NFE2L3: variants seen among roughly 807,000 people sequenced by gnomAD.
NFE2L3 encodes the protein nuclear factor erythroid 2-related factor 3.
In NFE2L3, 18 loss-of-function variants were observed where a neutral mutation model predicts 23.5. That is an observed-to-expected ratio of 0.77 (90% CI 0.53 to 1.13). The LOEUF (loss-of-function observed/expected upper bound fraction) is 1.13, where lower values mean the gene tolerates loss of function less well. Ranked by LOEUF, NFE2L3 falls within the 50% of genes most tolerant of loss-of-function variation. The pLI is 0.00. For missense variants in NFE2L3, 1,152 were observed against 877.2 expected, an observed-to-expected ratio of 1.31 and a Z score of -3.96; for synonymous variants, 424 against 354.5, an observed-to-expected ratio of 1.20 and a Z score of -2.20.
At position 26,185,466 on chromosome 7, in the gene NFE2L3, G is replaced by T; in HGVS notation, c.1768G>T (p.Val590Phe). Residue 590 changes from valine (V) to phenylalanine (F), a missense_variant, in exon 4 of 4, where the codon GTT (valine) becomes TTT (phenylalanine). Transcript: ENST00000056233. Reference protein sequence around the residue: ...RDIRRRGKNKVAAQNCRKRKL... With the variant: ...RDIRRRGKNKFAAQNCRKRKL... Reference sequence around the variant, plus strand: ...CATCAGACGAAGAGGGAAAAATAAAGTTGCTGCGCAGAACTGTCGTAAACG... The same window carrying T: ...CATCAGACGAAGAGGGAAAAATAAATTTGCTGCGCAGAACTGTCGTAAACG... 6.2e-7 allele frequency: 1 copy of T among 1,614,042 alleles called. No homozygotes were observed. Among genetic ancestry groups the T allele is most frequent in the Non-Finnish European group, 8.5e-7 (1 of 1,179,904 alleles).
intron 2 of NFE2L3, among the ~76,000 whole-genome samples, chr7:26,181,884 G>T (rs1215623278): frequency 2.0e-5 from 3 of 152,038 alleles, no homozygotes; most frequent in African/African-American, 7.3e-5. Context: ...TAAGGAAAAG[G>T]GTAAGTTGGA....
At chr7:26,174,156 A>C (rs1224084850) in intron 1 of NFE2L3, 1 of 152,226 alleles carries the variant, frequency 6.6e-6, no homozygotes, top group Non-Finnish European at 1.5e-5. Flanking sequence ...CAAGGGGATG[A>C]AGAATCAGCA....
chr7:26,185,498 G>GC lies in NFE2L3; in HGVS notation c.1800_1801insC (p.Asp601ArgfsTer9), dbSNP rs1782460216. On this transcript the variant is annotated frameshift_variant, in exon 4 of 4. Coordinates refer to ENST00000056233, the MANE Select transcript of NFE2L3 (RefSeq NM_004289.7). LOFTEE classifies it low-confidence loss of function (END_TRUNC). ...CGCAGAACTGTCGTAAACGCAAATTGGACATAATTTTGAATTTAGAAGATG... is the reference window on the plus strand; with the variant it reads ...CGCAGAACTGTCGTAAACGCAAATTGCGACATAATTTTGAATTTAGAAGATG... 1 of 1,613,816 alleles carries GC rather than the reference G, an allele frequency of 6.2e-7. No homozygotes were observed. Among genetic ancestry groups the GC allele is most frequent in the Admixed American group, 1.7e-5 (1 of 59,984 alleles).
chr7:26,164,337 A>G (rs1331198921), intron 1 of NFE2L3, among the ~76,000 whole-genome samples: 2 of 152,142 alleles, frequency 1.3e-5, no homozygotes, highest in Admixed American at 6.5e-5. Context: ...TGACTTTTTA[A>G]TGATCGCCAT....
intron 1 of NFE2L3, among the ~76,000 whole-genome samples, chr7:26,155,953 T>C (rs924231281): frequency 1.1e-4 from 17 of 152,150 alleles, no homozygotes; most frequent in Admixed American, 1.1e-3. Flanking sequence ...GTAGCTGCGC[T>C]CTTCTGCCCT....
chr7:26,169,603 C>T lies in NFE2L3; in HGVS notation c.571-8340C>T, dbSNP rs571309463. On this transcript the variant is annotated intron_variant, in intron 1 of 3. Coordinates refer to ENST00000056233, the MANE Select transcript of NFE2L3 (RefSeq NM_004289.7). ...ACATCTCCCCATGCATCCCACTAGC[C>T]CTGGAGGAAATGCTTCCTCTCATTT... Among the ~76,000 whole-genome samples, 357 of 152,322 alleles carry T rather than the reference C, an allele frequency of 2.3e-3. 2 individuals are homozygous for T. Among genetic ancestry groups the T allele is most frequent in the Non-Finnish European group, 2.7e-3 (183 of 68,022 alleles).
At chr7:26,179,073 T>G (rs1583937194) in intron 2 of NFE2L3, among the ~76,000 whole-genome samples, 4 of 152,250 alleles carry the variant, frequency 2.6e-5, no homozygotes, top group Admixed American at 2.6e-4. Context: ...AGGTTTGTTC[T>G]CTTTGCCTGC....
chr7:26,182,964 T>C (rs975820286), intron 2 of NFE2L3, among the ~76,000 whole-genome samples: 3 of 152,166 alleles, frequency 2.0e-5, no homozygotes, highest in Non-Finnish European at 4.4e-5. Flanking sequence ...CCAGCTAATT[T>C]AATTTGTAGA....
intron 2 of NFE2L3, among the ~76,000 whole-genome samples, 190 bp from the exon 3 acceptor site, chr7:26,183,511 G>A (rs1352300745): frequency 2.1e-5 from 3 of 143,960 alleles, no homozygotes; most frequent in South Asian, 2.1e-4. Context: ...TTGCACCACT[G>A]CACTCCATTC....
intron 1 of NFE2L3, among the ~76,000 whole-genome samples, chr7:26,163,851 C>T (rs1382013210): frequency 6.6e-6 from 1 of 152,134 alleles, no homozygotes; most frequent in African/African-American, 2.4e-5. Flanking sequence ...GTTCCCCTTC[C>T]TGTGTCCATG....
At chr7:26,172,289 A>G (rs1385592774) in intron 1 of NFE2L3, among the ~76,000 whole-genome samples, 2 of 152,356 alleles carry the variant, frequency 1.3e-5, no homozygotes, top group African/African-American at 2.4e-5. Flanking sequence ...TATAATTTCA[A>G]ACTTTTAAAA....
rs1192945459 is a variant in NFE2L3 at position 26,185,965 on chromosome 7, G to T, written c.*182G>T. 2.1e-5 allele frequency: 11 copies of T among 536,058 alleles called. No individual in the cohort carries two copies. Among genetic ancestry groups the T allele is most frequent in the East Asian group, 3.1e-5 (1 of 31,914 alleles). The allele number at this position is 536,058 out of a possible 1,614,324, so 33.2% of individuals were successfully genotyped here. ...TGTTTAGGACTTCAAGATCACACTTGTGGGCAATCTGGGGGAGCCACAACT... is the reference window on the plus strand; with the variant it reads ...TGTTTAGGACTTCAAGATCACACTTTTGGGCAATCTGGGGGAGCCACAACT... On this transcript the variant is annotated 3_prime_UTR_variant, in exon 4 of 4. Transcript: ENST00000056233.
At chr7:26,173,837 T>G (rs1784359952) in intron 1 of NFE2L3, 1 of 152,190 alleles carries the variant, frequency 6.6e-6, no homozygotes, top group South Asian at 2.1e-4. Context: ...AGCCCTTGCC[T>G]TCAAAAAACT....
chr7:26,183,488 T>C (rs1268253714), intron 2 of NFE2L3, among the ~76,000 whole-genome samples: 1 of 143,858 alleles, frequency 7.0e-6, no homozygotes, highest in Non-Finnish European at 1.6e-5. Context: ...GCAGAGGGTG[T>C]AGTGAGCCGA....
chr7:26,181,446 G>T (rs952587809), intron 2 of NFE2L3, among the ~76,000 whole-genome samples: 7 of 152,126 alleles, frequency 4.6e-5, no homozygotes, highest in African/African-American at 1.7e-4. Context: ...AGGAAATGGG[G>T]ACTGGTACAA....
intron 2 of NFE2L3, among the ~76,000 whole-genome samples, chr7:26,183,460 A>C (rs1187199815): frequency 1.4e-5 from 2 of 143,840 alleles, no homozygotes; most frequent in Non-Finnish European, 3.2e-5. Flanking sequence ...AGGCAGGAGA[A>C]TCCTTTGAAC....
Position 26,152,899 on chromosome 7 carries a change from C to A in NFE2L3, c.401C>A (p.Ser134Ter), listed in dbSNP as rs1180670857. Residue 134 changes from serine to a stop codon, truncating the protein, a stop_gained, in exon 1 of 4, where the codon TCG (serine) becomes TAG (stop). Coordinates refer to ENST00000056233, the MANE Select transcript of NFE2L3 (RefSeq NM_004289.7). LOFTEE classifies it high-confidence loss of function. This position sits in a 1 kb window ranked among gnomAD's most constrained non-coding sequence, Gnocchi z 4.4. ...AHGLLGAAAA[S>*]STGGAGASVD... ...GGGCTGCTCGGCGCCGCCGCCGCCT[C>A]GTCCACCGGAGGAGCCGGCGCCAGC... is the stretch of plus-strand genomic sequence containing the variant. 5 of 1,449,222 alleles carry A rather than the reference C, an allele frequency of 3.5e-6. No individual in the cohort carries two copies. The highest frequency in any genetic ancestry group is 4.5e-6 in the Non-Finnish European group (5 of 1,111,696). 89.8% of individuals were successfully genotyped at this position (1,449,222 alleles called of 1,614,324 possible). A position where few individuals can be genotyped will look rare whatever the true frequency, so the allele number is the denominator to read the frequency against.
intron 1 of NFE2L3, among the ~76,000 whole-genome samples, chr7:26,157,562 A>G (rs1025401493): frequency 1.3e-5 from 2 of 152,220 alleles, no homozygotes; most frequent in African/African-American, 4.8e-5. Context: ...TGGACAAGAG[A>G]TGAAATTTCA....
At position 26,186,002 on chromosome 7, in the gene NFE2L3, G is replaced by T. The variant is rs1782476396; in HGVS notation, c.*219G>T. ...GGGGAGCCACAACTTTTCATGAAGT[G>T]CATTGTATACAAAATTCATAGTTAT... On this transcript the variant is annotated 3_prime_UTR_variant, in exon 4 of 4. Coordinates refer to ENST00000056233, the MANE Select transcript of NFE2L3 (RefSeq NM_004289.7). The T allele has an allele frequency of 1.2e-5, 5 of 433,476 alleles. No homozygotes were observed. In the Admixed American group the frequency reaches 1.2e-4, roughly 10 times the overall value. The allele number at this position is 433,476 out of a possible 1,614,324, so 26.9% of individuals were successfully genotyped here. A position where few individuals can be genotyped will look rare whatever the true frequency, so the allele number is the denominator to read the frequency against.
Sources: gnomAD v4.1 joint callset for allele counts (sites outside exome capture counted in the v4.1 genomes callset) on GRCh38, gnomAD v4.1.1 for gene constraint, Gnocchi (gnomAD v3.1) non-coding constraint, MANE v1.5 for transcripts, NCBI Gene and HGNC (gene_info 2026-07-23, HGNC 2026-07-21) for gene names.